GATAD2B: variants seen among roughly 807,000 people sequenced by gnomAD.
The protein encoded by GATAD2B is transcriptional repressor p66-beta.
GATAD2B carries 8 observed loss-of-function variants against 64.3 expected under a neutral mutation model. That is an observed-to-expected ratio of 0.12 (90% CI 0.07 to 0.22). The LOEUF is 0.22. Among genes scored for constraint, GATAD2B ranks in the 10% least tolerant of loss-of-function variants. The pLI is 1.00. For missense variants in GATAD2B, 453 were observed against 752.0 expected, an observed-to-expected ratio of 0.60 and a Z score of 4.65; for synonymous variants, 281 against 271.3, an observed-to-expected ratio of 1.04 and a Z score of -0.35.
In GATAD2B at chr1:153,805,744, T is replaced by C. The variant is rs559964497; in HGVS notation, c.*4433A>G. The stretch of plus-strand genomic sequence containing the variant: ...CTCTTCACTTCACAGATAAGAAAAT[T>C]GATACTCAGAAAATTAACTCTACCA... On this transcript the variant is annotated 3_prime_UTR_variant, in exon 11 of 11. Coordinates refer to ENST00000368655, the MANE Select transcript of GATAD2B (RefSeq NM_020699.4). 2.0e-5 allele frequency: 3 copies of C among 152,286 alleles called. No homozygotes were observed. In the East Asian group the frequency reaches 5.8e-4, roughly 29 times the overall value. 9.4% of individuals were successfully genotyped at this position (152,286 alleles called of 1,614,324 possible). A position where few individuals can be genotyped will look rare whatever the true frequency, so the allele number is the denominator to read the frequency against.
Position 153,861,147 on chromosome 1 carries a change from C to T in GATAD2B, c.-1-32799G>A, listed in dbSNP as rs1676265759. ...AAGGGTAATCTAAGATTAACAGAAACGGATCCATATACAAGGAGTCTCAGA... is the reference window on the plus strand; with the variant it reads ...AAGGGTAATCTAAGATTAACAGAAATGGATCCATATACAAGGAGTCTCAGA... On this transcript the variant is annotated intron_variant, in intron 1 of 10. Transcript: ENST00000368655. Among the ~76,000 whole-genome samples, 2 of 152,142 alleles carry T rather than the reference C, an allele frequency of 1.3e-5. 1 individual carries two copies. Among genetic ancestry groups the T allele is most frequent in the Admixed American group, 1.3e-4 (2 of 15,260 alleles).
chr1:153,813,567 C>A lies in GATAD2B; in HGVS notation c.1217-115G>T. ...TGTTGAATTAAAGAAAGAGACTTTA[C>A]AAAAAGGATATTCTATAATTTACAA... On this transcript the variant is annotated intron_variant, in intron 7 of 10. Coordinates refer to ENST00000368655, the MANE Select transcript of GATAD2B (RefSeq NM_020699.4). The A allele has an allele frequency of 5.7e-6, 4 of 704,508 alleles. No homozygotes were observed. The Admixed American group carries it at 8.3e-5, about 15-fold the overall frequency. 43.6% of individuals were successfully genotyped at this position (704,508 alleles called of 1,614,324 possible).
chr1:153,824,406 A>G (rs373517940), intron 2 of GATAD2B, among the ~76,000 whole-genome samples: 2 of 151,978 alleles, frequency 1.3e-5, no homozygotes, highest in Admixed American at 6.6e-5. Context: ...AAGGCGGGTG[A>G]ATCACAAGGT....
At chr1:153,855,225 G>GTTTTTTTT (rs112614667) in intron 1 of GATAD2B, among the ~76,000 whole-genome samples, 2 of 142,226 alleles carry the variant, frequency 1.4e-5, no homozygotes, top group Non-Finnish European at 1.6e-5. Flanking sequence ...CTTTCTTTTT[G>GTTTTTTTT]TTTTTTTTTT....
intron 1 of GATAD2B, among the ~76,000 whole-genome samples, chr1:153,894,262 G>A (rs1488579975): frequency 2.0e-5 from 3 of 151,984 alleles, no homozygotes; most frequent in Non-Finnish European, 4.4e-5. Context: ...GAGGTCAGGA[G>A]TTCAAAACCA....
intron 1 of GATAD2B, among the ~76,000 whole-genome samples, chr1:153,884,707 G>C (rs1326342931): frequency 6.6e-6 from 1 of 152,096 alleles, no homozygotes; most frequent in African/African-American, 2.4e-5. Context: ...TACATTCACT[G>C]AGCATTTAAT....
At position 153,819,629 on chromosome 1, in the gene GATAD2B, C is replaced by T. The variant is rs374436608; in HGVS notation, c.442G>A (p.Ala148Thr). 4.4e-6 allele frequency: 7 copies of T among 1,607,776 alleles called. No homozygotes were observed. The African/African-American group carries it at 9.4e-5, about 22-fold the overall frequency. ...ACCTTAAACATCTCTAAGTTGGCTG[C>T]TTTGAGTCTTTCTTCCATTCTGGAA... ...SSSRMEERLK[A>T]ANLEMFKGKG... The change falls in exon 3 of 11, where the codon GCA becomes ACA. Residue 148 changes from alanine (A) to threonine (T), a missense_variant. Ala to Thr is a moderately conservative substitution (Grantham distance 58, BLOSUM62 0). Coordinates refer to ENST00000368655, the MANE Select transcript of GATAD2B (RefSeq NM_020699.4).
intron 1 of GATAD2B, among the ~76,000 whole-genome samples, chr1:153,885,819 C>T (rs1372681733): frequency 7.4e-5 from 11 of 148,772 alleles, no homozygotes; most frequent in African/African-American, 2.2e-4. Context: ...GCCAAGACGG[C>T]GCCACTGCTC....
At chr1:153,885,081 AAATT>A (rs1677138103) in intron 1 of GATAD2B, among the ~76,000 whole-genome samples, 1 of 151,990 alleles carries the variant, frequency 6.6e-6, no homozygotes, top group Non-Finnish European at 1.5e-5. Flanking sequence ...CTGGATATGG[AAATT>A]AATTCAGTGA....
rs1218976544 is a variant in GATAD2B at position 153,922,797 on chromosome 1, A to C, written c.-66T>G. 1 of 140,260 alleles carries C rather than the reference A, an allele frequency of 7.1e-6. No homozygotes were observed. The highest frequency in any genetic ancestry group is 2.7e-5 in the African/African-American group (1 of 37,624). The allele number at this position is 140,260 out of a possible 1,614,324, so 8.7% of individuals were successfully genotyped here. A position where few individuals can be genotyped will look rare whatever the true frequency, so the allele number is the denominator to read the frequency against. ...CAGGCGGCGGCGGAGGCGTCGAAAA[A>C]GGAAGAGGCGACGGCACAGGGGATC... is the stretch of plus-strand genomic sequence containing the variant. On this transcript the variant is annotated 5_prime_UTR_variant, in exon 1 of 11. Transcript: ENST00000368655.
chr1:153,808,802 A>AC lies in GATAD2B; in HGVS notation c.*1374_*1375insG, dbSNP rs1380941526. 6.6e-6 allele frequency: 1 copy of AC among 150,928 alleles called. No individual in the cohort carries two copies. The highest frequency in any genetic ancestry group is 1.9e-4 in the East Asian group (1 of 5,148). 9.3% of individuals were successfully genotyped at this position (150,928 alleles called of 1,614,324 possible). A position where few individuals can be genotyped will look rare whatever the true frequency, so the allele number is the denominator to read the frequency against. ...CATTCTCTACATTAGTAGCGCTTAA[A>AC]AAAAAAAAAAAAAAAAAGGCAAAAT... On this transcript the variant is annotated 3_prime_UTR_variant, in exon 11 of 11. Coordinates refer to ENST00000368655, the MANE Select transcript of GATAD2B (RefSeq NM_020699.4).
chr1:153,814,160 T>C (rs773608341), intron 7 of GATAD2B, among the ~76,000 whole-genome samples: 4 of 152,256 alleles, frequency 2.6e-5, no homozygotes, highest in Non-Finnish European at 4.4e-5. Flanking sequence ...CCCTGTCATA[T>C]ACATTTATAG....
intron 1 of GATAD2B, chr1:153,853,383 C>A: frequency 1.4e-6 from 1 of 690,240 alleles, no homozygotes; most frequent in South Asian, 1.6e-5. Context: ...TCATCACACT[C>A]AGTTGTGGAT....
intron 1 of GATAD2B, among the ~76,000 whole-genome samples, chr1:153,890,044 T>C (rs934099152): frequency 7.9e-5 from 12 of 151,648 alleles, no homozygotes; most frequent in African/African-American, 2.2e-4. Context: ...CATGGGGGCA[T>C]GCCTGCAATC....
At chr1:153,891,644 G>C (rs1323644997) in intron 1 of GATAD2B, among the ~76,000 whole-genome samples, 1 of 62,500 alleles carries the variant, frequency 1.6e-5, no homozygotes, top group African/African-American at 5.1e-5. Context: ...AGAGGGGAAG[G>C]GTAAGAGGAG....
intron 2 of GATAD2B, among the ~76,000 whole-genome samples, chr1:153,823,481 G>T (rs1674754838): frequency 6.6e-6 from 1 of 152,128 alleles, no homozygotes; most frequent in Non-Finnish European, 1.5e-5. Flanking sequence ...TGGCTATTAT[G>T]TTAAGAACTT....
At position 153,816,384 on chromosome 1, in the gene GATAD2B, G is replaced by A; in HGVS notation, c.1105C>T (p.Pro369Ser). The change falls in exon 7 of 11, where the codon CCC (proline) becomes TCC (serine). Residue 369 changes from proline to serine, a missense_variant. Pro to Ser is a moderately conservative substitution (Grantham distance 74). Transcript: ENST00000368655. The surrounding 1 kb of genome is among the most constrained non-coding windows in gnomAD (Gnocchi z 4.9). ...QLEKTLLEIPPPKPPAPLLHF... is the reference protein window; with the variant it reads ...QLEKTLLEIPSPKPPAPLLHF... The stretch of plus-strand genomic sequence containing the variant: ...AGTAAGGGAGCAGGAGGTTTAGGGG[G>A]TGGGATCTCCAGGAGTGTCTTTTCC... The A allele has an allele frequency of 5.6e-6, 9 of 1,613,784 alleles. No homozygotes were observed. Among genetic ancestry groups the A allele is most frequent in the Non-Finnish European group, 7.6e-6 (9 of 1,179,656 alleles).
Position 153,855,353 on chromosome 1 carries a change from C to T in GATAD2B, c.-1-27005G>A, listed in dbSNP as rs151149380. On this transcript the variant is annotated intron_variant, in intron 1 of 10. Coordinates refer to ENST00000368655, the MANE Select transcript of GATAD2B (RefSeq NM_020699.4). ...AAGTGATTCTCTCACCTCAGCCTCC[C>T]GAGTAGCTGGGATTACAGACAGGTG... Among the ~76,000 whole-genome samples, 361 of 151,908 alleles carry T rather than the reference C, an allele frequency of 2.4e-3. 2 individuals are homozygous for T. Among genetic ancestry groups the T allele is most frequent in the African/African-American group, 8.2e-3 (340 of 41,436 alleles).
chr1:153,845,599 G>C (rs369585149), intron 1 of GATAD2B, among the ~76,000 whole-genome samples: 5 of 147,810 alleles, frequency 3.4e-5, no homozygotes, highest in Non-Finnish European at 4.5e-5. Context: ...TAAAAAATTA[G>C]CCAGGTGTGG....
Sources: gnomAD v4.1 joint callset for allele counts (sites outside exome capture counted in the v4.1 genomes callset) on GRCh38, gnomAD v4.1.1 for gene constraint, Gnocchi (gnomAD v3.1) non-coding constraint, MANE v1.5 for transcripts, NCBI Gene and HGNC (gene_info 2026-07-23, HGNC 2026-07-21) for gene names.